The following SH3BGRL variants were observed in gnomAD, a reference collection of about 807,000 sequenced individuals.
SH3BGRL encodes the protein SH3 domain binding glutamate rich protein like.
A neutral mutation model predicts 9.8 loss-of-function variants in SH3BGRL; 7 were observed. The ratio of observed to expected loss-of-function variants is 0.72; its 90% CI spans 0.41 to 1.35. The LOEUF (loss-of-function observed/expected upper bound fraction) is 1.35. Among genes scored for constraint, SH3BGRL ranks in the 40% most tolerant of loss-of-function variants. SH3BGRL has a pLI of 0.01. For synonymous variants in SH3BGRL, 36 were observed against 29.1 expected, an observed-to-expected ratio of 1.24 and a Z score of -0.76; for missense variants, 73 against 84.4, an observed-to-expected ratio of 0.86 and a Z score of 0.53.
chrX:81,229,561 G>A (rs1391909406), intron 1 of SH3BGRL, among the ~76,000 whole-genome samples: 1 of 111,387 alleles, frequency 9.0e-6, no homozygotes, highest in Non-Finnish European at 1.9e-5. Context: ...GAGTGGGAAG[G>A]TGGTTTTCCC....
chrX:81,250,529 T>C (rs183826304), intron 1 of SH3BGRL, among the ~76,000 whole-genome samples: 1 of 112,625 alleles, frequency 8.9e-6, no homozygotes, highest in East Asian at 2.8e-4. Context: ...TTTGGTGTTG[T>C]ACTCCATCCT....
At chrX:81,250,568 AAATTATT>A (rs1872041818) in intron 1 of SH3BGRL, among the ~76,000 whole-genome samples, 1 of 111,627 alleles carries the variant, frequency 9.0e-6, no homozygotes, top group Non-Finnish European at 1.9e-5. Flanking sequence ...CATTTAAAAG[AAATTATT>A]AAGTATAGTT....
chrX:81,264,030 A>G (rs942680546), intron 1 of SH3BGRL, among the ~76,000 whole-genome samples: 1 of 110,396 alleles, frequency 9.1e-6, no homozygotes, highest in Non-Finnish European at 1.9e-5. Context: ...GCAAGCCCAC[A>G]TAATAGGGGG....
chrX:81,216,576 C>T (rs1455208775), intron 1 of SH3BGRL, among the ~76,000 whole-genome samples: 2 of 111,091 alleles, frequency 1.8e-5, no homozygotes, highest in African/African-American at 6.5e-5. Flanking sequence ...TAACCATCCC[C>T]ATCCTCCCTA....
intron 1 of SH3BGRL, among the ~76,000 whole-genome samples, chrX:81,249,508 A>T (rs1285544566): frequency 8.9e-6 from 1 of 111,877 alleles, no homozygotes; most frequent in Non-Finnish European, 1.9e-5. Flanking sequence ...TTACTAGGGG[A>T]CTCATGAACC....
At chrX:81,226,086 G>A (rs192533329) in intron 1 of SH3BGRL, among the ~76,000 whole-genome samples, 1 of 110,975 alleles carries the variant, frequency 9.0e-6, no homozygotes, top group African/African-American at 3.3e-5. Context: ...CCTCCCATTG[G>A]CACCTCTAAT....
Position 81,297,932 on chromosome X carries a change from C to T in SH3BGRL, c.*705C>T, listed in dbSNP as rs1273747549. 9.0e-6 allele frequency: 1 copy of T among 111,722 alleles called. No individual in the cohort carries two copies. The highest frequency in any genetic ancestry group is 2.8e-4 in the East Asian group (1 of 3,575). 9.2% of individuals were successfully genotyped at this position (111,722 alleles called of 1,213,427 possible). On this transcript the variant is annotated 3_prime_UTR_variant, in exon 4 of 4. Transcript: ENST00000373212. ...ACACAGCTATGATGGAATGATATAT[C>T]CAAGTTCCTTGCCTCAGTGAAATAT...
chrX:81,265,264 G>C (rs1171760785), intron 1 of SH3BGRL, among the ~76,000 whole-genome samples: 1 of 105,433 alleles, frequency 9.5e-6, no homozygotes, highest in Non-Finnish European at 1.9e-5. Context: ...AACGTGCAGT[G>C]TTGTTACAGT....
intron 1 of SH3BGRL, among the ~76,000 whole-genome samples, chrX:81,214,085 G>T (rs746199987): frequency 1.8e-5 from 2 of 112,500 alleles, no homozygotes; most frequent in East Asian, 5.6e-4. Context: ...CAGGAAACAC[G>T]TGGATTCATT....
intron 1 of SH3BGRL, among the ~76,000 whole-genome samples, chrX:81,244,847 T>A (rs2075683272): frequency 9.0e-6 from 1 of 111,207 alleles, no homozygotes; most frequent in African/African-American, 3.3e-5. Context: ...CCTCCCTGTG[T>A]TCAGGTAAAA....
At chrX:81,209,750 A>G (rs1427049066) in intron 1 of SH3BGRL, among the ~76,000 whole-genome samples, 2 of 112,171 alleles carry the variant, frequency 1.8e-5, no homozygotes, top group South Asian at 3.7e-4. Context: ...CGAGAGTGAG[A>G]TGAGAGTTGG....
intron 3 of SH3BGRL, among the ~76,000 whole-genome samples, chrX:81,285,818 T>C (rs2075832414): frequency 1.8e-5 from 2 of 111,949 alleles, no homozygotes; most frequent in Non-Finnish European, 3.8e-5. Context: ...AGAATTATTT[T>C]GAAAGTAAGG....
chrX:81,268,363 A>G (rs1018962844), intron 1 of SH3BGRL, among the ~76,000 whole-genome samples: 6 of 112,027 alleles, frequency 5.4e-5, no homozygotes, highest in African/African-American at 1.6e-4. Flanking sequence ...ATTTAATGCT[A>G]TAAATTTCCC....
chrX:81,240,132 C>T (rs2075663297), intron 1 of SH3BGRL, among the ~76,000 whole-genome samples: 1 of 112,139 alleles, frequency 8.9e-6, no homozygotes, highest in Non-Finnish European at 1.9e-5. Context: ...TATTATATCA[C>T]TGTAACTGTG....
intron 3 of SH3BGRL, among the ~76,000 whole-genome samples, chrX:81,295,921 G>A (rs1168772253): frequency 1.8e-5 from 2 of 111,338 alleles, no homozygotes; most frequent in Non-Finnish European, 3.8e-5. Flanking sequence ...TCCAAAGTTG[G>A]TTCCACATTT....
rs750563444 is a variant in SH3BGRL at position 81,211,107 on chromosome X, T to A, written c.45+8862T>A. Among the ~76,000 whole-genome samples, 6 of 112,298 alleles carry A rather than the reference T, an allele frequency of 5.3e-5. No homozygotes were observed. In the East Asian group the frequency reaches 1.1e-3, roughly 21 times the overall value. On this transcript the variant is annotated intron_variant, in intron 1 of 3. Transcript: ENST00000373212. ...CTATTGCCTGTGTGATTTGAGTAGG[T>A]CATAAAACTTTCTTTGCCTCTCATC... is the stretch of plus-strand genomic sequence containing the variant.
intron 3 of SH3BGRL, among the ~76,000 whole-genome samples, chrX:81,285,152 G>A (rs756759588): frequency 1.8e-5 from 2 of 111,288 alleles, no homozygotes; most frequent in Non-Finnish European, 3.8e-5. Flanking sequence ...AATTTCTAGA[G>A]TTTTCCCCTT....
At chrX:81,207,389 G>C (rs747437441) in intron 1 of SH3BGRL, among the ~76,000 whole-genome samples, 2 of 112,144 alleles carry the variant, frequency 1.8e-5, no homozygotes, top group African/African-American at 6.5e-5. Context: ...TTTCTCTATG[G>C]TTGTACTCTG....
At chrX:81,218,308 T>A (rs1473834648) in intron 1 of SH3BGRL, among the ~76,000 whole-genome samples, 1 of 110,471 alleles carries the variant, frequency 9.1e-6, no homozygotes, top group East Asian at 2.8e-4. Context: ...GTACTTTTTT[T>A]AAAATTGTGT....
Sources: gnomAD v4.1 joint callset for allele counts (sites outside exome capture counted in the v4.1 genomes callset) on GRCh38, gnomAD v4.1.1 for gene constraint, MANE v1.5 for transcripts, NCBI Gene and HGNC (gene_info 2026-07-23, HGNC 2026-07-21) for gene names.